Variants in GATAD1 observed in about 807,000 individuals in gnomAD.
The protein encoded by GATAD1 is GATA zinc finger domain containing 1.
Under a neutral mutation model 26.5 loss-of-function variants are expected in GATAD1, and 12 were observed. The observed-to-expected ratio is 0.45, with a 90% confidence interval of 0.29 to 0.73. The LOEUF (loss-of-function observed/expected upper bound fraction) is 0.73, where lower values mean the gene tolerates loss of function less well. GATAD1 is among the 30% of genes least tolerant of loss of function. The pLI, the probability that GATAD1 is intolerant of heterozygous loss-of-function variation, is 0.10. For missense variants in GATAD1, 266 were observed against 342.1 expected (o/e 0.78, Z 1.75); for synonymous variants, 129 against 133.1 (o/e 0.97, Z 0.21).
chr7:92,456,354 C>T lies in GATAD1; in HGVS notation c.620-18C>T. 6.4e-7 allele frequency: 1 copy of T among 1,558,206 alleles called. No homozygotes were observed. Among genetic ancestry groups the T allele is most frequent in the Non-Finnish European group, 8.8e-7 (1 of 1,136,100 alleles). On this transcript the variant is annotated intron_variant, in intron 4 of 4. Transcript: ENST00000287957. Reference sequence around the variant, plus strand: ...ATGGTCAAAAATGTATTTAACCTTTCCCTTGGCTGCCTTCCAGGGCCAGAG... The same window carrying T: ...ATGGTCAAAAATGTATTTAACCTTTTCCTTGGCTGCCTTCCAGGGCCAGAG...
chr7:92,474,427 G>A, the GATAD1 span, among the ~76,000 whole-genome samples: 1 of 152,154 alleles, frequency 6.6e-6, no homozygotes, highest in Non-Finnish European at 1.5e-5. Flanking sequence ...CTGTGTTATG[G>A]TGGACATCAT....
At chr7:92,478,906 A>C in the GATAD1 span, among the ~76,000 whole-genome samples, 1 of 152,154 alleles carries the variant, frequency 6.6e-6, no homozygotes, top group Non-Finnish European at 1.5e-5. Context: ...TCAGAACATC[A>C]TGGCAACCCA....
chr7:92,448,850 G>A lies in GATAD1; in HGVS notation c.348G>A (p.Gly116=), dbSNP rs1325721242. ...AEKKVSTKGK[G]RRHIFKLKNP... is the part of the protein sequence containing the mutation. The stretch of plus-strand genomic sequence containing the variant: ...AGAAAGTCTCCACCAAAGGAAAAGG[G>A]AGAAGACATATATTTAAATTGAAAA... Residue 116 remains glycine, a synonymous_variant, in exon 2 of 5, where the codon GGG becomes GGA. Transcript: ENST00000287957. 1 of 1,611,832 alleles carries A rather than the reference G, an allele frequency of 6.2e-7. No individual in the cohort carries two copies. The highest frequency in any genetic ancestry group is 1.7e-5 in the Admixed American group (1 of 60,012).
At chr7:92,485,065 G>C in the GATAD1 span, among the ~76,000 whole-genome samples, 2 of 152,194 alleles carry the variant, frequency 1.3e-5, no homozygotes, top group Middle Eastern at 3.4e-3. Flanking sequence ...CTCAGTGGGG[G>C]AGGTTTTGAG....
chr7:92,452,883 C>T (rs537989510), intron 3 of GATAD1, among the ~76,000 whole-genome samples: 12 of 152,308 alleles, frequency 7.9e-5, no homozygotes, highest in Middle Eastern at 3.4e-3. Flanking sequence ...CTATGATAAG[C>T]AAGTATTCTC....
At chr7:92,481,979 C>G in the GATAD1 span, among the ~76,000 whole-genome samples, 1 of 152,160 alleles carries the variant, frequency 6.6e-6, no homozygotes, top group Non-Finnish European at 1.5e-5. Flanking sequence ...ACCCGATATC[C>G]TTTGGAGAAC....
chr7:92,451,435 C>T (rs1239777240), intron 3 of GATAD1, among the ~76,000 whole-genome samples: 2 of 152,170 alleles, frequency 1.3e-5, no homozygotes, highest in Non-Finnish European at 2.9e-5. Flanking sequence ...CAGGCAGCAA[C>T]CATTGAAGGC....
the GATAD1 span, among the ~76,000 whole-genome samples, chr7:92,479,830 A>G: frequency 6.6e-6 from 1 of 152,166 alleles, no homozygotes; most frequent in Non-Finnish European, 1.5e-5. Context: ...ACGATTGGTG[A>G]TGGCCTGGAT....
At position 92,459,848 on chromosome 7, in the gene GATAD1, G is replaced by C. The variant is rs1387484061; in HGVS notation, c.*3286G>C. 6.6e-6 allele frequency among the ~76,000 whole-genome samples: 1 copy of C among 152,204 alleles called. No homozygotes were observed. The highest frequency in any genetic ancestry group is 2.4e-5 in the African/African-American group (1 of 41,452). On this transcript the variant is annotated 3_prime_UTR_variant, in exon 5 of 5. Transcript: ENST00000287957. ...GATGCTGATTGTAGGGTCTGAGTTA[G>C]ATACTGTTAACTAAAATGCTTGTTG...
downstream of GATAD1, among the ~76,000 whole-genome samples, chr7:92,461,873 C>T (rs532733051): frequency 8.9e-4 from 135 of 152,266 alleles, 2 homozygotes; most frequent in South Asian, 0.026. Context: ...CATACCAGCA[C>T]TTCTGCCATA....
chr7:92,449,702 AT>A (rs936900277), intron 2 of GATAD1: 19 of 657,468 alleles, frequency 2.9e-5, no homozygotes, highest in East Asian at 1.4e-4. Flanking sequence ...AATTTAATGA[AT>A]TTTTTTTAAT....
the GATAD1 span, chr7:92,489,355 C>A: frequency 1.9e-6 from 3 of 1,612,822 alleles, no homozygotes; most frequent in South Asian, 2.2e-5. Context: ...CAAGTGCAGT[C>A]ATTAAATGTG....
chr7:92,491,711 T>C, the GATAD1 span: 2 of 519,058 alleles, frequency 3.9e-6, no homozygotes, highest in Admixed American at 3.4e-5. Flanking sequence ...TGTAGATAAT[T>C]TACCAACCAT....
chr7:92,486,370 T>G, the GATAD1 span, among the ~76,000 whole-genome samples: 1 of 152,210 alleles, frequency 6.6e-6, no homozygotes, highest in Non-Finnish European at 1.5e-5. Context: ...TACTAAATGG[T>G]TTTTACATTG....
At chr7:92,494,892 G>T in the GATAD1 span, among the ~76,000 whole-genome samples, 1 of 151,676 alleles carries the variant, frequency 6.6e-6, no homozygotes, top group African/African-American at 2.4e-5. Flanking sequence ...AATTACCCTT[G>T]TATTCAGTAA....
rs876657812 is a variant in GATAD1 at position 92,447,892 on chromosome 7, AGCGGCGGCGGCG to A, written c.166_177del (p.Gly56_Gly59del). ...GGGGGCGGCTGGAGGGACTGGGGGC[AGCGGCGGCGGCG>A]GCTTCGGCGCGGCGACCTTCGCCAG... On this transcript the variant is annotated inframe_deletion, in exon 1 of 5. Coordinates refer to ENST00000287957, the MANE Select transcript of GATAD1 (RefSeq NM_021167.5). The A allele has an allele frequency of 7.9e-7, 1 of 1,266,100 alleles. No homozygotes were observed. The highest frequency in any genetic ancestry group is 1.6e-5 in the African/African-American group (1 of 64,058). 78.4% of individuals were successfully genotyped at this position (1,266,100 alleles called of 1,614,324 possible). A position where few individuals can be genotyped will look rare whatever the true frequency, so the allele number is the denominator to read the frequency against.
rs547080742 is a variant in GATAD1, at chr7:92,456,454, A to T, written c.702A>T (p.Ser234=). 1 of 1,612,434 alleles carries T rather than the reference A, an allele frequency of 6.2e-7. No homozygotes were observed. The highest frequency in any genetic ancestry group is 1.7e-5 in the Admixed American group (1 of 60,016). The part of the protein sequence containing the change: ...HAPSEYFKSR[S]SPFPTVPTRP... ...CTTCTGAGTATTTCAAGTCACGGTC[A>T]TCACCATTTCCCACAGTTCCCACCA... is the stretch of plus-strand genomic sequence containing the variant. The change falls in exon 5 of 5, where the codon TCA becomes TCT. Residue 234 remains serine (S), a synonymous_variant. Coordinates refer to ENST00000287957, the MANE Select transcript of GATAD1 (RefSeq NM_021167.5).
At chr7:92,485,053 T>A in the GATAD1 span, among the ~76,000 whole-genome samples, 1 of 151,430 alleles carries the variant, frequency 6.6e-6, no homozygotes, top group Non-Finnish European at 1.5e-5. Context: ...GGTCACAAGG[T>A]GCTCAGTGGG....
At chr7:92,489,178 T>A in the GATAD1 span, 1 of 976,316 alleles carries the variant, frequency 1.0e-6, no homozygotes, top group Non-Finnish European at 1.6e-6. Flanking sequence ...TTTTTTGAAT[T>A]AGCTTTTAAA....
Sources: gnomAD v4.1 joint callset for allele counts (sites outside exome capture counted in the v4.1 genomes callset) on GRCh38, gnomAD v4.1.1 for gene constraint, MANE v1.5 for transcripts, NCBI Gene and HGNC (gene_info 2026-07-23, HGNC 2026-07-21) for gene names.